The following PRELID2 variants were observed in gnomAD, a reference collection of about 807,000 sequenced individuals.
PRELID2 encodes the protein PRELI domain-containing protein 2.
PRELID2 carries 25 observed loss-of-function variants against 28.4 expected under a neutral mutation model. The observed-to-expected ratio is 0.88, with a 90% CI of 0.64 to 1.23. The LOEUF (loss-of-function observed/expected upper bound fraction) is 1.23. PRELID2 is among the 50% of genes most tolerant of loss of function. The pLI is 0.00. For missense variants in PRELID2, 201 were observed against 214.4 expected, an observed-to-expected ratio of 0.94 and a Z score of 0.39; for synonymous variants, 76 against 71.6, an observed-to-expected ratio of 1.06 and a Z score of -0.31.
intron 1 of PRELID2, among the ~76,000 whole-genome samples, chr5:145,670,982 G>A (rs927086462): frequency 9.2e-5 from 14 of 152,134 alleles, no homozygotes; most frequent in African/African-American, 3.4e-4. Context: ...ACCTCTCTGA[G>A]CATCAATTAT....
Position 145,532,087 on chromosome 5 carries a change from A to T in PRELID2, n.71-58772T>A, listed in dbSNP as rs183990074. ...ATAAATGTCCGTTGGCATGATTATCATTATCATCGTCATCATCATTTTCCT... is the reference window on the plus strand; with the variant it reads ...ATAAATGTCCGTTGGCATGATTATCTTTATCATCGTCATCATCATTTTCCT... On this transcript the variant is annotated intron_variant and non_coding_transcript_variant, in intron 1 of 2. Transcript: ENST00000510259. Among the ~76,000 whole-genome samples, 38 of 152,246 alleles carry T rather than the reference A, an allele frequency of 2.5e-4. No individual in the cohort carries two copies. The Middle Eastern group carries it at 0.014, about 55-fold the overall frequency.
the PRELID2 span, among the ~76,000 whole-genome samples, chr5:145,333,330 A>T: frequency 6.6e-6 from 1 of 152,230 alleles, no homozygotes; most frequent in Non-Finnish European, 1.5e-5. Context: ...CTTCAGAGCC[A>T]GCAGGCAGGA....
chr5:145,755,574 G>A (rs1178246487), downstream of PRELID2, among the ~76,000 whole-genome samples: 2 of 152,182 alleles, frequency 1.3e-5, no homozygotes, highest in Non-Finnish European at 2.9e-5. Flanking sequence ...AAGACCCTCA[G>A]TTCTTTAGGG....
chr5:145,460,759 T>C, the PRELID2 span, among the ~76,000 whole-genome samples: 1 of 152,364 alleles, frequency 6.6e-6, no homozygotes, highest in African/African-American at 2.4e-5. Context: ...ATTTAATTCA[T>C]ATCCTGAGCC....
chr5:145,497,146 G>T (rs1752316366), intron 1 of PRELID2, among the ~76,000 whole-genome samples: 1 of 152,162 alleles, frequency 6.6e-6, no homozygotes, highest in African/African-American at 2.4e-5. Context: ...TTACAGGCAT[G>T]AGCCACCATG....
intron 1 of PRELID2, among the ~76,000 whole-genome samples, chr5:145,742,119 A>T (rs1197884743): frequency 1.9e-5 from 2 of 105,528 alleles, no homozygotes; most frequent in African/African-American, 3.6e-5. Context: ...TATAAATAAA[A>T]TTTATTAATT....
At chr5:145,396,559 T>C in the PRELID2 span, among the ~76,000 whole-genome samples, 1 of 151,600 alleles carries the variant, frequency 6.6e-6, no homozygotes, top group African/African-American at 2.4e-5. Context: ...ATATTTACTC[T>C]CTGGTTCTTT....
the PRELID2 span, among the ~76,000 whole-genome samples, chr5:145,311,533 G>A: frequency 6.6e-6 from 1 of 152,004 alleles, no homozygotes; most frequent in Non-Finnish European, 1.5e-5. Flanking sequence ...TTAGACTCAG[G>A]GCATGGCCTT....
intron 1 of PRELID2, among the ~76,000 whole-genome samples, chr5:145,546,623 T>A (rs886822268): frequency 1.3e-5 from 2 of 152,140 alleles, no homozygotes; most frequent in African/African-American, 2.4e-5. Flanking sequence ...CTCTTCCAGA[T>A]AGGAACCCTA....
chr5:145,434,396 T>C, the PRELID2 span, among the ~76,000 whole-genome samples: 333 of 152,268 alleles, frequency 2.2e-3, 1 homozygote, highest in African/African-American at 7.5e-3. Flanking sequence ...TGTTCAGGCT[T>C]CAAAAAACTG....
intron 1 of PRELID2, among the ~76,000 whole-genome samples, chr5:145,511,305 G>A (rs758866591): frequency 1.1e-4 from 16 of 152,166 alleles, no homozygotes; most frequent in South Asian, 4.1e-4. Flanking sequence ...AAATAGTACC[G>A]TTATATACTT....
the PRELID2 span, among the ~76,000 whole-genome samples, chr5:145,258,671 T>G: frequency 1.3e-5 from 2 of 152,174 alleles, no homozygotes; most frequent in Non-Finnish European, 2.9e-5. Context: ...AGAAAATACC[T>G]AAAGTTGAAA....
At chr5:145,404,263 T>C in the PRELID2 span, among the ~76,000 whole-genome samples, 4 of 152,200 alleles carry the variant, frequency 2.6e-5, no homozygotes, top group African/African-American at 7.2e-5. Context: ...AGATGGCTTA[T>C]TTTCCTTTCC....
chr5:145,767,103 T>C (rs564550248), intron 5 of PRELID2, among the ~76,000 whole-genome samples: 31 of 152,048 alleles, frequency 2.0e-4, no homozygotes, highest in Admixed American at 2.0e-3. Context: ...GAATGTTGCC[T>C]TTTCCAAAAC....
At chr5:145,440,204 C>T in the PRELID2 span, among the ~76,000 whole-genome samples, 1 of 152,080 alleles carries the variant, frequency 6.6e-6, no homozygotes. Context: ...TCTGTCATGA[C>T]CAGATTCCAG....
rs1342428095 is a variant in PRELID2, at chr5:145,618,778, G to A, written n.71-145463C>T. ...TATGCCCTTTGTGTTCAGATATCAG[G>A]GTGGGTAGGGAAGGACCATCAGGTG... On this transcript the variant is annotated intron_variant and non_coding_transcript_variant, in intron 1 of 2. Coordinates refer to the PRELID2 transcript ENST00000510259. Among the ~76,000 whole-genome samples, 3 of 152,144 alleles carry A rather than the reference G, an allele frequency of 2.0e-5. No individual in the cohort carries two copies. In the East Asian group the frequency reaches 5.8e-4, roughly 29 times the overall value.
In PRELID2 at chr5:145,612,289, T is replaced by C. The variant is rs139599243; in HGVS notation, n.71-138974A>G. On this transcript the variant is annotated intron_variant and non_coding_transcript_variant, in intron 1 of 2. Coordinates refer to the PRELID2 transcript ENST00000510259. ...ACTTATATAATCTTAAAGGAAAAGA[T>C]TGGCAAATTTGAAATCATTTCAATT... Among the ~76,000 whole-genome samples, 803 of 152,224 alleles carry C rather than the reference T, an allele frequency of 5.3e-3. 4 individuals carry two copies. The highest frequency in any genetic ancestry group is 8.2e-3 in the Non-Finnish European group (560 of 68,012).
the PRELID2 span, among the ~76,000 whole-genome samples, chr5:145,381,262 A>T: frequency 6.6e-6 from 1 of 152,224 alleles, no homozygotes; most frequent in African/African-American, 2.4e-5. Flanking sequence ...AAAATGATGC[A>T]GTCTTTCTGA....
chr5:145,562,355 T>C (rs1295169163), intron 1 of PRELID2, among the ~76,000 whole-genome samples: 1 of 152,252 alleles, frequency 6.6e-6, no homozygotes, highest in African/African-American at 2.4e-5. Flanking sequence ...ACCAGGATTA[T>C]ATATTTATTT....
Sources: allele counts gnomAD v4.1 joint callset (sites outside exome capture counted in the v4.1 genomes callset), GRCh38; gene constraint gnomAD v4.1.1; transcripts MANE v1.5; gene names NCBI Gene and HGNC (gene_info 2026-07-23, HGNC 2026-07-21).